ANO4: variants seen among roughly 807,000 people sequenced by gnomAD.
ANO4 encodes anoctamin-4.
Under a neutral mutation model 141.9 loss-of-function variants are expected in ANO4, and 69 were observed. The ratio of observed to expected loss-of-function variants is 0.49; its 90% CI spans 0.40 to 0.59. The LOEUF (loss-of-function observed/expected upper bound fraction) is 0.59. Among genes scored for constraint, ANO4 ranks in the 20% least tolerant of loss-of-function variants. ANO4 has a pLI of 0.00. For synonymous variants in ANO4, 350 were observed against 394.3 expected (o/e 0.89, Z 1.33); for missense variants, 894 against 1,162.2 (o/e 0.77, Z 3.36).
chr12:101,062,171 G>A (rs1330039612), intron 14 of ANO4, among the ~76,000 whole-genome samples: 1 of 152,190 alleles, frequency 6.6e-6, no homozygotes, highest in Non-Finnish European at 1.5e-5. Flanking sequence ...GTTTGCTGGA[G>A]GTCTACTCCA....
At chr12:101,054,211 A>G (rs1230754515) in intron 14 of ANO4, among the ~76,000 whole-genome samples, 2 of 54,778 alleles carry the variant, frequency 3.7e-5, no homozygotes, top group Non-Finnish European at 3.3e-5. Flanking sequence ...GCTCTTTCAA[A>G]GCATGTTGAT....
At chr12:101,041,359 A>G (rs2047404809) in intron 11 of ANO4, among the ~76,000 whole-genome samples, 1 of 152,214 alleles carries the variant, frequency 6.6e-6, no homozygotes, top group Non-Finnish European at 1.5e-5. Flanking sequence ...CTGAGATAAG[A>G]TCATTTTCCT....
chr12:101,042,127 G>C (rs1254751736), intron 11 of ANO4, among the ~76,000 whole-genome samples: 1 of 152,078 alleles, frequency 6.6e-6, no homozygotes, highest in Non-Finnish European at 1.5e-5. Context: ...TTTTATGGAA[G>C]GGCTAATTCT....
intron 1 of ANO4, among the ~76,000 whole-genome samples, chr12:100,882,027 T>A (rs2039595674): frequency 6.6e-6 from 1 of 152,134 alleles, no homozygotes; most frequent in South Asian, 2.1e-4. Flanking sequence ...GTGTGGAGCA[T>A]CAGGCCTGAT....
chr12:101,002,444 A>C (rs1332590703), intron 8 of ANO4, among the ~76,000 whole-genome samples: 1 of 152,166 alleles, frequency 6.6e-6, no homozygotes, highest in Admixed American at 6.5e-5. Flanking sequence ...GATAAAGCTT[A>C]AATTTCTTCA....
At chr12:100,761,711 G>A (rs2032865630) in intron 3 of ANO4, among the ~76,000 whole-genome samples, 1 of 152,210 alleles carries the variant, frequency 6.6e-6, no homozygotes, top group Non-Finnish European at 1.5e-5. Context: ...ATCAGTTAGA[G>A]ATTTGAGAAA....
chr12:100,846,945 ACCC>A (rs11363490), intron 1 of ANO4, among the ~76,000 whole-genome samples: 1 of 151,146 alleles, frequency 6.6e-6, no homozygotes, highest in South Asian at 2.1e-4. Flanking sequence ...TTCCTTCCAC[ACCC>A]CCCCCCAACT....
chr12:100,980,469 A>G (rs1328343215), intron 7 of ANO4, among the ~76,000 whole-genome samples: 2 of 152,202 alleles, frequency 1.3e-5, no homozygotes, highest in East Asian at 1.9e-4. Flanking sequence ...ACAACTTGCC[A>G]TCTAGTAGTA....
chr12:100,759,681 G>A (rs2135521894), intron 3 of ANO4, among the ~76,000 whole-genome samples: 1 of 152,254 alleles, frequency 6.6e-6, no homozygotes, highest in African/African-American at 2.4e-5. Flanking sequence ...CAGTTTCTTA[G>A]CACATTTCTT....
chr12:100,915,046 T>TC (rs1342729664), intron 2 of ANO4, among the ~76,000 whole-genome samples: 4 of 152,028 alleles, frequency 2.6e-5, no homozygotes, highest in African/African-American at 9.7e-5. Context: ...GTCTTGAACT[T>TC]CTGGTCTCAA....
intron 9 of ANO4, among the ~76,000 whole-genome samples, chr12:101,022,818 C>T (rs1027650380): frequency 6.6e-6 from 1 of 152,216 alleles, no homozygotes. Context: ...CAGCTCACTG[C>T]AATCTCTGCC....
chr12:100,968,170 C>A (rs953142518), intron 5 of ANO4, among the ~76,000 whole-genome samples: 1 of 151,990 alleles, frequency 6.6e-6, no homozygotes, highest in African/African-American at 2.4e-5. Context: ...AACAGCTATC[C>A]TTTTATGCAT....
Position 100,938,870 on chromosome 12 carries a change from T to A in ANO4, c.161-445T>A, listed in dbSNP as rs1004289584. ...GAAAAAAATCACAGTTCTTACTGAA[T>A]AGTTCAAGTGGCACGTTTATGGGTT... On this transcript the variant is annotated intron_variant, in intron 3 of 27. Transcript: ENST00000392977. 2.0e-5 allele frequency among the ~76,000 whole-genome samples: 3 copies of A among 152,180 alleles called. No homozygotes were observed. In the East Asian group the frequency reaches 5.8e-4, roughly 29 times the overall value.
At chr12:100,815,322 G>T (rs539269619) in intron 1 of ANO4, among the ~76,000 whole-genome samples, 6 of 152,016 alleles carry the variant, frequency 3.9e-5, no homozygotes, top group Non-Finnish European at 7.4e-5. Flanking sequence ...AGTATTTGTC[G>T]TAATGATATA....
intron 3 of ANO4, among the ~76,000 whole-genome samples, chr12:100,932,361 G>GTT (rs200048343): frequency 2.0e-5 from 3 of 150,416 alleles, no homozygotes; most frequent in Non-Finnish European, 1.5e-5. Flanking sequence ...TACACTTGCT[G>GTT]GTTTTTTTTT....
Position 100,890,685 on chromosome 12 carries a change from A to G in ANO4, c.-140-10961A>G, listed in dbSNP as rs2040060405. ...CAGCAAAATTGACTGCAAAATACAG[A>G]CATTCCTTGTGTATCTCCTGCCCCT... On this transcript the variant is annotated intron_variant, in intron 1 of 27. Transcript: ENST00000392977. 1.3e-5 allele frequency among the ~76,000 whole-genome samples: 2 copies of G among 152,140 alleles called. 1 individual carries two copies. Among genetic ancestry groups the G allele is most frequent in the Admixed American group, 1.3e-4 (2 of 15,266 alleles).
At chr12:101,098,844 C>T (rs1242948486) in intron 21 of ANO4, among the ~76,000 whole-genome samples, 1 of 152,028 alleles carries the variant, frequency 6.6e-6, no homozygotes, top group Non-Finnish European at 1.5e-5. Flanking sequence ...GATGTTCATT[C>T]CTTTATTTGC....
At chr12:101,083,619 C>T in intron 15 of ANO4, 59 bp from the exon 16 acceptor site, 4 of 1,541,830 alleles carry the variant, frequency 2.6e-6, no homozygotes. Context: ...AATGATATTT[C>T]TTTTTTTATT....
At chr12:100,914,552 C>T (rs1020685660) in intron 2 of ANO4, among the ~76,000 whole-genome samples, 13 of 152,162 alleles carry the variant, frequency 8.5e-5, no homozygotes, top group Non-Finnish European at 5.9e-5. Context: ...ACGTATGAAG[C>T]ATCTTCTATT....
Sources: allele counts gnomAD v4.1 joint callset (sites outside exome capture counted in the v4.1 genomes callset), GRCh38; gene constraint gnomAD v4.1.1; transcripts MANE v1.5; gene names NCBI Gene and HGNC (gene_info 2026-07-23, HGNC 2026-07-21).